PKNOX2: variants seen among roughly 807,000 people sequenced by gnomAD.
PKNOX2 encodes the protein PBX/knotted 1 homeobox 2.
Under a neutral mutation model 53.1 loss-of-function variants are expected in PKNOX2, and 14 were observed. The ratio of observed to expected loss-of-function variants is 0.26; its 90% confidence interval spans 0.17 to 0.41. The LOEUF is 0.41. Among genes scored for constraint, PKNOX2 ranks in the 10% least tolerant of loss-of-function variants. PKNOX2 has a pLI of 1.00. For synonymous variants in PKNOX2, 257 were observed against 242.8 expected (o/e 1.06, Z -0.54); for missense variants, 496 against 602.8 (o/e 0.82, Z 1.85).
At chr11:125,389,938 C>A (rs892055089) in intron 6 of PKNOX2, among the ~76,000 whole-genome samples, 1 of 152,158 alleles carries the variant, frequency 6.6e-6, no homozygotes, top group African/African-American at 2.4e-5. Flanking sequence ...TCTGAAGAGG[C>A]AGGGCCAGAG....
At chr11:125,425,689 G>C (rs1173570913) in intron 10 of PKNOX2, among the ~76,000 whole-genome samples, 1 of 152,222 alleles carries the variant, frequency 6.6e-6, no homozygotes, top group African/African-American at 2.4e-5. Flanking sequence ...CCCCAAGCCT[G>C]GCCAGTTGTG....
rs145281095 is a variant in PKNOX2, at chr11:125,270,122, G to A, written c.-130+35007G>A. ...TCTATCAGAGCCATTGCCCCCTCAG[G>A]TTTTAAGAACTCTTGGCTAGTATTT... On this transcript the variant is annotated intron_variant, in intron 2 of 12. Coordinates refer to ENST00000298282, the MANE Select transcript of PKNOX2 (RefSeq NM_001382323.2). Among the ~76,000 whole-genome samples the A allele has an allele frequency of 1.2e-3, 188 of 152,266 alleles. 1 individual carries two copies. The highest frequency in any genetic ancestry group is 4.4e-3 in the African/African-American group (181 of 41,550).
At chr11:125,279,887 G>GC (rs1946431769) in intron 2 of PKNOX2, among the ~76,000 whole-genome samples, 1 of 152,144 alleles carries the variant, frequency 6.6e-6, no homozygotes, top group South Asian at 2.1e-4. Flanking sequence ...CAATGCGGTT[G>GC]CCATAGCAAC....
intron 2 of PKNOX2, among the ~76,000 whole-genome samples, chr11:125,320,211 C>T (rs979835386): frequency 6.6e-6 from 1 of 152,126 alleles, no homozygotes; most frequent in African/African-American, 2.4e-5. Context: ...ACCCAGTATT[C>T]AGTCTAAAGT....
intron 2 of PKNOX2, among the ~76,000 whole-genome samples, chr11:125,274,681 C>G (rs1401859007): frequency 1.3e-5 from 2 of 152,132 alleles, no homozygotes; most frequent in African/African-American, 4.8e-5. Context: ...GGCCAGGACG[C>G]TGGGCCATGG....
intron 2 of PKNOX2, among the ~76,000 whole-genome samples, chr11:125,299,056 G>A (rs1234825675): frequency 6.6e-6 from 1 of 152,116 alleles, no homozygotes; most frequent in Non-Finnish European, 1.5e-5. Flanking sequence ...GGTTTGGGGA[G>A]GCCTCTGGGA....
chr11:125,332,178 A>G (rs1950179524), intron 3 of PKNOX2, among the ~76,000 whole-genome samples: 1 of 151,394 alleles, frequency 6.6e-6, no homozygotes, highest in Admixed American at 6.6e-5. Context: ...TGAACAATAA[A>G]TGGTGGTTGA....
intron 2 of PKNOX2, among the ~76,000 whole-genome samples, chr11:125,305,078 C>T (rs553943544): frequency 3.3e-5 from 5 of 152,258 alleles, no homozygotes; most frequent in East Asian, 3.9e-4. Flanking sequence ...TCTGGCCCAG[C>T]GCCACACACT....
At chr11:125,367,686 T>C (rs929127339) in intron 4 of PKNOX2, among the ~76,000 whole-genome samples, 160 bp from the exon 5 acceptor site, 2 of 152,236 alleles carry the variant, frequency 1.3e-5, no homozygotes, top group African/African-American at 4.8e-5. Flanking sequence ...CTTCCCACTG[T>C]AGCACACGTA....
At chr11:125,355,502 G>A (rs747910310) in intron 4 of PKNOX2, among the ~76,000 whole-genome samples, 1 of 152,114 alleles carries the variant, frequency 6.6e-6, no homozygotes, top group Non-Finnish European at 1.5e-5. Context: ...AGTCACTGGG[G>A]TAGTGGAATT....
chr11:125,205,383 T>C (rs1938970237), intron 1 of PKNOX2, among the ~76,000 whole-genome samples: 1 of 152,244 alleles, frequency 6.6e-6, no homozygotes, highest in Admixed American at 6.5e-5. Context: ...ATGTTCTTCA[T>C]GCAGCACATT....
At chr11:125,176,525 CT>C (rs1438441542) in intron 1 of PKNOX2, among the ~76,000 whole-genome samples, 1 of 152,166 alleles carries the variant, frequency 6.6e-6, no homozygotes, top group Non-Finnish European at 1.5e-5. Flanking sequence ...GCATGACCTA[CT>C]GTGGGGGTCT....
intron 10 of PKNOX2, among the ~76,000 whole-genome samples, chr11:125,427,216 C>T (rs1191059667): frequency 6.6e-6 from 1 of 152,190 alleles, no homozygotes; most frequent in African/African-American, 2.4e-5. Context: ...CCATCTGCAC[C>T]CTCTCCTCCC....
At chr11:125,430,429 C>T (rs1310628456) in intron 12 of PKNOX2, among the ~76,000 whole-genome samples, 1 of 152,172 alleles carries the variant, frequency 6.6e-6, no homozygotes, top group Non-Finnish European at 1.5e-5. Context: ...TTCCTTAGCA[C>T]CAGTAAGTAT....
intron 1 of PKNOX2, among the ~76,000 whole-genome samples, chr11:125,224,687 G>A (rs12787088): frequency 0.15 from 22,780 of 152,196 alleles, 1,758 homozygotes; most frequent in Middle Eastern, 0.17. Context: ...ATCCAGGTGG[G>A]GACACCAGCC....
intron 6 of PKNOX2, among the ~76,000 whole-genome samples, chr11:125,386,721 C>CACACACACACACACACACACACACAT (rs1953661939): frequency 6.1e-5 from 9 of 148,392 alleles, no homozygotes; most frequent in Non-Finnish European, 1.2e-4. Context: ...AGAACACACA[C>CACACACACACACACACACACACACAT]ACACACACAC....
chr11:125,422,147 C>T lies in PKNOX2; in HGVS notation c.937-6865C>T, dbSNP rs1014097685. ...GATTCGTATTGGCCACAGGGAGTGA[C>T]CCCTCGCTCCAAGTTGTTGTGGTCC... On this transcript the variant is annotated intron_variant, in intron 10 of 12. Transcript: ENST00000298282. This position sits in a 1 kb window ranked among gnomAD's most constrained non-coding sequence, Gnocchi z 4.1. 6.6e-5 allele frequency among the ~76,000 whole-genome samples: 10 copies of T among 152,112 alleles called. No homozygotes were observed. Among genetic ancestry groups the T allele is most frequent in the Admixed American group, 6.5e-4 (10 of 15,278 alleles).
intron 2 of PKNOX2, among the ~76,000 whole-genome samples, chr11:125,327,009 G>A (rs1379650749): frequency 1.3e-5 from 2 of 152,186 alleles, no homozygotes; most frequent in Non-Finnish European, 2.9e-5. Context: ...GAGGCCCTTG[G>A]TGGGCTCCAG....
At chr11:125,175,501 G>A (rs932721776) in intron 1 of PKNOX2, among the ~76,000 whole-genome samples, 3 of 152,232 alleles carry the variant, frequency 2.0e-5, no homozygotes, top group Non-Finnish European at 4.4e-5. Context: ...GACCTCCAGC[G>A]TGAAGGCCAC....
Sources: gnomAD v4.1 joint callset for allele counts (sites outside exome capture counted in the v4.1 genomes callset) on GRCh38, gnomAD v4.1.1 for gene constraint, Gnocchi (gnomAD v3.1) non-coding constraint, MANE v1.5 for transcripts, NCBI Gene and HGNC (gene_info 2026-07-23, HGNC 2026-07-21) for gene names.